Variants in PRKAR1B observed in about 807,000 individuals in gnomAD.
PRKAR1B encodes the protein protein kinase cAMP-dependent type I regulatory subunit beta, also known as cAMP-dependent protein kinase type I-beta regulatory subunit.
A neutral mutation model predicts 46.5 loss-of-function variants in PRKAR1B; 22 were observed. The observed-to-expected ratio is 0.47, with a 90% CI of 0.34 to 0.68. PRKAR1B has a LOEUF of 0.68. Among genes scored for constraint, PRKAR1B ranks in the 30% least tolerant of loss-of-function variants. The pLI, the probability that PRKAR1B is intolerant of heterozygous loss-of-function variation, is 0.01. For missense variants in PRKAR1B, 445 were observed against 535.6 expected (o/e 0.83, Z 1.67); for synonymous variants, 259 against 217.7 (o/e 1.19, Z -1.67).
chr7:582,163 A>T (rs1391839505), intron 8 of PRKAR1B, among the ~76,000 whole-genome samples: 1 of 123,616 alleles, frequency 8.1e-6, no homozygotes, highest in African/African-American at 3.2e-5. Flanking sequence ...GCACCTGCCC[A>T]GGGGGGAACC....
chr7:608,101 G>T, intron 4 of PRKAR1B: 1 of 152,910 alleles, frequency 6.5e-6, no homozygotes. Flanking sequence ...AGAGGCACCC[G>T]GGACAAGTGG....
chr7:705,251 C>T (rs113468747), intron 2 of PRKAR1B, among the ~76,000 whole-genome samples: 1,625 of 150,116 alleles, frequency 0.011, 26 homozygotes, highest in East Asian at 0.059. Context: ...TGCAGTAAAC[C>T]GAGATCACGC....
chr7:606,420 G>A (rs1782057567), intron 5 of PRKAR1B, among the ~76,000 whole-genome samples, 181 bp from the exon 6 acceptor site: 1 of 152,182 alleles, frequency 6.6e-6, no homozygotes, highest in African/African-American at 2.4e-5. Context: ...TAAAGAGCCT[G>A]TTCTTAAGTT....
chr7:559,330 C>T (rs1418364044), intron 9 of PRKAR1B, among the ~76,000 whole-genome samples: 1 of 152,158 alleles, frequency 6.6e-6, no homozygotes, highest in African/African-American at 2.4e-5. Context: ...ACGTGGGGGC[C>T]GCATCCCAGG....
intron 7 of PRKAR1B, among the ~76,000 whole-genome samples, chr7:586,554 A>C (rs1780611777): frequency 3.3e-5 from 5 of 152,168 alleles, no homozygotes; most frequent in Admixed American, 2.6e-4. Flanking sequence ...CTGCCCCATA[A>C]GACCTTCTGA....
At chr7:724,322 G>T (rs1781174668) in intron 1 of PRKAR1B, among the ~76,000 whole-genome samples, 1 of 152,154 alleles carries the variant, frequency 6.6e-6, no homozygotes, top group Non-Finnish European at 1.5e-5. Flanking sequence ...GGACCCAGTG[G>T]GAGGTAACTG....
intron 2 of PRKAR1B, among the ~76,000 whole-genome samples, chr7:696,397 G>A (rs181553982): frequency 4.3e-4 from 65 of 152,094 alleles, no homozygotes; most frequent in Middle Eastern, 6.8e-3. Context: ...TCAGCCTCCC[G>A]AGTAGCTGGG....
At chr7:675,320 C>T (rs141893543) in intron 4 of PRKAR1B, among the ~76,000 whole-genome samples, 54 of 152,358 alleles carry the variant, frequency 3.5e-4, no homozygotes, top group African/African-American at 1.2e-3. Flanking sequence ...CCAGGGTCCC[C>T]ACCTGCACTC....
chr7:631,538 A>AG (rs1278366150), intron 4 of PRKAR1B, among the ~76,000 whole-genome samples: 2 of 152,130 alleles, frequency 1.3e-5, no homozygotes, highest in Non-Finnish European at 2.9e-5. Flanking sequence ...ACACAGCCCG[A>AG]GGGGGAGAAA....
At chr7:599,021 C>T (rs1334339306) in intron 6 of PRKAR1B, among the ~76,000 whole-genome samples, 4 of 152,252 alleles carry the variant, frequency 2.6e-5, no homozygotes, top group Non-Finnish European at 5.9e-5. Context: ...TGGCTGCTGC[C>T]GCTGCAGGCA....
chr7:680,474 C>T, intron 3 of PRKAR1B, 82 bp downstream of exon 3: 2 of 1,371,554 alleles, frequency 1.5e-6, no homozygotes, highest in Non-Finnish European at 9.7e-7. Context: ...ATGAGGGTGC[C>T]CCGTGGGCTT....
chr7:571,977 C>T (rs986070836), intron 9 of PRKAR1B, among the ~76,000 whole-genome samples: 2 of 152,238 alleles, frequency 1.3e-5, no homozygotes, highest in African/African-American at 2.4e-5. Flanking sequence ...AGGCAGGGCA[C>T]AGAGATGACA....
At chr7:612,277 T>C (rs535630316) in intron 4 of PRKAR1B, among the ~76,000 whole-genome samples, 320 of 140,880 alleles carry the variant, frequency 2.3e-3, no homozygotes, top group African/African-American at 8.4e-3. Flanking sequence ...GATGGATGGA[T>C]GGATAGATGG....
Position 648,176 on chromosome 7 carries a change from C to T in PRKAR1B, c.440+29053G>A, listed in dbSNP as rs1024837787. 2.6e-5 allele frequency among the ~76,000 whole-genome samples: 4 copies of T among 151,898 alleles called. No homozygotes were observed. The East Asian group carries it at 5.8e-4, about 22-fold the overall frequency. Reference sequence around the variant, plus strand: ...TTAAAAAAAAAAAAATCTTAAACTACGTACCTCTTCACTTGTTTTTAAGTT... The same window carrying T: ...TTAAAAAAAAAAAAATCTTAAACTATGTACCTCTTCACTTGTTTTTAAGTT... On this transcript the variant is annotated intron_variant, in intron 4 of 10. Transcript: ENST00000537384.
chr7:727,404 T>A, upstream of PRKAR1B: 1 of 535,612 alleles, frequency 1.9e-6, no homozygotes, highest in Non-Finnish European at 2.3e-6. Flanking sequence ...CCCCCGCGGC[T>A]CGGCCCCGCC....
chr7:621,457 C>A (rs549975858), intron 4 of PRKAR1B, among the ~76,000 whole-genome samples: 8 of 152,332 alleles, frequency 5.3e-5, no homozygotes, highest in Non-Finnish European at 8.8e-5. Flanking sequence ...AGTCTGACAA[C>A]ACAGGGACCT....
At chr7:557,932 G>A (rs980612751) in intron 9 of PRKAR1B, among the ~76,000 whole-genome samples, 5 of 152,160 alleles carry the variant, frequency 3.3e-5, no homozygotes, top group South Asian at 2.1e-4. Context: ...AGGAGACGCC[G>A]CAGAACGTCC....
intron 4 of PRKAR1B, among the ~76,000 whole-genome samples, chr7:622,469 A>G (rs1783162084): frequency 6.6e-6 from 1 of 152,252 alleles, no homozygotes; most frequent in Non-Finnish European, 1.5e-5. Context: ...CTGGGAGAAC[A>G]TGAATGTGCT....
chr7:718,175 G>C lies in PRKAR1B; in HGVS notation c.-22-6648C>G, dbSNP rs1178782954. Among the ~76,000 whole-genome samples the C allele has an allele frequency of 2.6e-5, 4 of 151,822 alleles. No individual in the cohort carries two copies. In the South Asian group the frequency reaches 8.3e-4, roughly 32 times the overall value. On this transcript the variant is annotated intron_variant, in intron 1 of 10. Transcript: ENST00000537384. ...GCCCCAGCATGGATTGCAGCCTTCA[G>C]AGGACCCAGTAAAGCCATGCCTGGA...
Sources: gnomAD v4.1 joint callset for allele counts (sites outside exome capture counted in the v4.1 genomes callset) on GRCh38, gnomAD v4.1.1 for gene constraint, MANE v1.5 for transcripts, NCBI Gene and HGNC (gene_info 2026-07-23, HGNC 2026-07-21) for gene names.